UBE2D2: variants seen among roughly 807,000 people sequenced by gnomAD.
The protein encoded by UBE2D2 is ubiquitin-conjugating enzyme E2 D2.
Under a neutral mutation model 24.2 loss-of-function variants are expected in UBE2D2, and 2 were observed. The ratio of observed to expected loss-of-function variants is 0.08; its 90% CI spans 0.03 to 0.26. UBE2D2 has a LOEUF of 0.26. Ranked by LOEUF, UBE2D2 falls within the 10% of genes least tolerant of loss-of-function variation. UBE2D2 has a pLI of 1.00. For synonymous variants in UBE2D2, 58 were observed against 56.5 expected, an observed-to-expected ratio of 1.03 and a Z score of -0.12; for missense variants, 44 against 177.6, an observed-to-expected ratio of 0.25 and a Z score of 4.28.
intron 1 of UBE2D2, chr5:139,562,212 A>G (rs1459976785): frequency 1.4e-6 from 2 of 1,380,820 alleles, no homozygotes; most frequent in African/African-American, 1.4e-5. Flanking sequence ...TTCTCGCCCC[A>G]TTTCTGTTCC....
At chr5:139,579,391 C>G (rs1253353544) in intron 1 of UBE2D2, among the ~76,000 whole-genome samples, 3 of 152,180 alleles carry the variant, frequency 2.0e-5, no homozygotes, top group Non-Finnish European at 2.9e-5. Context: ...AGGTGATCCA[C>G]CTGCCTTGGC....
intron 1 of UBE2D2, among the ~76,000 whole-genome samples, chr5:139,583,167 G>T (rs1753644046): frequency 6.6e-6 from 1 of 151,806 alleles, no homozygotes; most frequent in Non-Finnish European, 1.5e-5. Context: ...TAGAGACGGG[G>T]TTTCACCATG....
intron 1 of UBE2D2, among the ~76,000 whole-genome samples, chr5:139,546,400 G>T (rs573581164): frequency 5.8e-4 from 89 of 152,220 alleles, no homozygotes; most frequent in Non-Finnish European, 1.1e-3. Context: ...GGCCAGGCTG[G>T]TCTTGAACTC....
At chr5:139,531,768 C>A (rs1235003002) in intron 1 of UBE2D2, among the ~76,000 whole-genome samples, 1 of 152,022 alleles carries the variant, frequency 6.6e-6, no homozygotes, top group Non-Finnish European at 1.5e-5. Flanking sequence ...TTTAGAACAG[C>A]CTGGGCAACA....
intron 1 of UBE2D2, among the ~76,000 whole-genome samples, chr5:139,574,747 A>G (rs1753431605): frequency 6.6e-6 from 1 of 151,848 alleles, no homozygotes; most frequent in South Asian, 2.1e-4. Flanking sequence ...AAAAAAAAAA[A>G]AAAAAAGAAA....
upstream of UBE2D2, among the ~76,000 whole-genome samples, chr5:139,558,751 G>C (rs566880462): frequency 2.2e-4 from 34 of 152,174 alleles, no homozygotes; most frequent in South Asian, 6.2e-4. Context: ...ATGAGAGTGT[G>C]GGTGACTTTT....
In UBE2D2 at chr5:139,590,415, A is replaced by G. The variant is rs996098915; in HGVS notation, c.25-9957A>G. 6.6e-5 allele frequency among the ~76,000 whole-genome samples: 10 copies of G among 151,204 alleles called. 1 individual carries two copies. The highest frequency in any genetic ancestry group is 4.6e-4 in the Admixed American group (7 of 15,168). ...ACACCACTGCACTTCAGCCTGGGCAATAGAGCAAGACTCTGTCTCAAAAAA... is the reference window on the plus strand; with the variant it reads ...ACACCACTGCACTTCAGCCTGGGCAGTAGAGCAAGACTCTGTCTCAAAAAA... On this transcript the variant is annotated intron_variant, in intron 1 of 6. Coordinates refer to ENST00000398733, the MANE Select transcript of UBE2D2 (RefSeq NM_003339.3).
intron 2 of UBE2D2, among the ~76,000 whole-genome samples, chr5:139,612,952 G>A (rs1026191708): frequency 6.6e-6 from 1 of 152,102 alleles, no homozygotes; most frequent in African/African-American, 2.4e-5. Flanking sequence ...AACATACAAG[G>A]GGCTTTTTAT....
intron 2 of UBE2D2, among the ~76,000 whole-genome samples, chr5:139,610,264 C>T (rs116767692): frequency 0.014 from 2,097 of 152,048 alleles, 50 homozygotes; most frequent in African/African-American, 0.048. Flanking sequence ...AATTTACGGC[C>T]GGGCACAGTG....
intron 1 of UBE2D2, among the ~76,000 whole-genome samples, chr5:139,588,255 T>G (rs436308): frequency 0.1 from 15,531 of 151,732 alleles, 881 homozygotes; most frequent in South Asian, 0.13. Context: ...AGCGTTTTTT[T>G]TTTTGTTTTG....
chr5:139,605,720 C>CCTTCTCCCTCGTCTTCCTCT (rs1475793694), intron 2 of UBE2D2, among the ~76,000 whole-genome samples: 3 of 151,040 alleles, frequency 2.0e-5, no homozygotes, highest in African/African-American at 7.3e-5. Context: ...TCTCTCCCTC[C>CCTTCTCCCTCGTCTTCCTCT]CTTCTCCCTC....
chr5:139,547,116 C>T (rs957080544), intron 1 of UBE2D2, among the ~76,000 whole-genome samples: 1 of 151,694 alleles, frequency 6.6e-6, no homozygotes. Flanking sequence ...CGGTGAAATC[C>T]CGTCTCTACT....
chr5:139,594,799 T>G (rs1301827118), intron 1 of UBE2D2, among the ~76,000 whole-genome samples: 4 of 152,152 alleles, frequency 2.6e-5, no homozygotes, highest in African/African-American at 9.7e-5. Context: ...TAATTATATA[T>G]ACATTCCTGC....
chr5:139,600,856 G>A (rs1754057624), intron 2 of UBE2D2, among the ~76,000 whole-genome samples: 1 of 152,148 alleles, frequency 6.6e-6, no homozygotes, highest in African/African-American at 2.4e-5. Flanking sequence ...GGGCTGGAGT[G>A]CAGTGGCGTG....
At chr5:139,582,226 G>C (rs1430986087) in intron 1 of UBE2D2, among the ~76,000 whole-genome samples, 2 of 151,486 alleles carry the variant, frequency 1.3e-5, no homozygotes, top group Non-Finnish European at 2.9e-5. Flanking sequence ...TCATCCTTCT[G>C]CCTTGGCCTC....
intron 1 of UBE2D2, among the ~76,000 whole-genome samples, chr5:139,549,025 T>G (rs1244966099): frequency 6.6e-6 from 1 of 152,106 alleles, no homozygotes; most frequent in Non-Finnish European, 1.5e-5. Context: ...ATTTTTTGTA[T>G]TTTTAGTAGA....
chr5:139,554,577 G>A (rs1366791539), intron 1 of UBE2D2, among the ~76,000 whole-genome samples: 1 of 152,134 alleles, frequency 6.6e-6, no homozygotes, highest in African/African-American at 2.4e-5. Flanking sequence ...TCCTCCTGTG[G>A]ATGGATACTT....
At chr5:139,622,131 T>C (rs1317390615) in intron 5 of UBE2D2, among the ~76,000 whole-genome samples, 1 of 152,218 alleles carries the variant, frequency 6.6e-6, no homozygotes, top group Non-Finnish European at 1.5e-5. Context: ...TCTTACATCA[T>C]GGGATTGTTG....
At chr5:139,527,750 T>A (rs952497506) in intron 1 of UBE2D2, among the ~76,000 whole-genome samples, 17 of 152,132 alleles carry the variant, frequency 1.1e-4, no homozygotes, top group African/African-American at 3.6e-4. Flanking sequence ...AAAGAAAAAA[T>A]TTTATTAAAA....
Sources: gnomAD v4.1 joint callset for allele counts (sites outside exome capture counted in the v4.1 genomes callset) on GRCh38, gnomAD v4.1.1 for gene constraint, MANE v1.5 for transcripts, NCBI Gene and HGNC (gene_info 2026-07-23, HGNC 2026-07-21) for gene names.